AFG2A: variants seen among roughly 807,000 people sequenced by gnomAD.
AFG2A encodes the protein ATPase family gene 2 protein homolog A.
At chr4:123,116,709 A>C in the AFG2A span, among the ~76,000 whole-genome samples, 1 of 152,232 alleles carries the variant, frequency 6.6e-6, no homozygotes, top group East Asian at 1.9e-4. Context: ...GAGATAAAAG[A>C]GGCTTTAGAG....
chr4:123,074,459 G>A, the AFG2A span, among the ~76,000 whole-genome samples: 2 of 63,996 alleles, frequency 3.1e-5, no homozygotes, highest in African/African-American at 1.1e-4. Flanking sequence ...TTTTTTTTTT[G>A]TCACTTTGTG....
chr4:123,117,408 A>G, the AFG2A span, among the ~76,000 whole-genome samples: 1 of 150,584 alleles, frequency 6.6e-6, no homozygotes, highest in Non-Finnish European at 1.5e-5. Context: ...TGCTTTCCAG[A>G]GATTGAGGTT....
chr4:123,039,381 G>A, the AFG2A span, among the ~76,000 whole-genome samples: 7 of 151,974 alleles, frequency 4.6e-5, no homozygotes, highest in African/African-American at 1.7e-4. Flanking sequence ...GCCACAGTTT[G>A]CCTAGGTAGT....
At chr4:123,017,131 ACCGTG>A in the AFG2A span, among the ~76,000 whole-genome samples, 3 of 125,922 alleles carry the variant, frequency 2.4e-5, no homozygotes, top group Non-Finnish European at 4.8e-5. Flanking sequence ...GGAGAGGGAG[ACCGTG>A]GGGAGAGGGA....
the AFG2A span, among the ~76,000 whole-genome samples, chr4:122,971,079 G>A: frequency 6.6e-6 from 1 of 152,118 alleles, no homozygotes; most frequent in Admixed American, 6.6e-5. Flanking sequence ...TGTATTGACT[G>A]TGTCTACCTA....
the AFG2A span, among the ~76,000 whole-genome samples, chr4:123,095,042 A>AAAAATATATAT: frequency 1.8e-5 from 2 of 114,100 alleles, no homozygotes; most frequent in South Asian, 5.6e-4. Context: ...AAAAAAAAAA[A>AAAAATATATAT]ATATATATAT....
the AFG2A span, among the ~76,000 whole-genome samples, chr4:123,012,957 GTGTC>G: frequency 6.6e-6 from 1 of 152,148 alleles, no homozygotes; most frequent in Non-Finnish European, 1.5e-5. Context: ...AATTTCACTC[GTGTC>G]TGTGTGAAGA....
chr4:123,289,672 A>T, the AFG2A span, among the ~76,000 whole-genome samples: 1 of 152,208 alleles, frequency 6.6e-6, no homozygotes, highest in Admixed American at 6.5e-5. Context: ...CCTCATCAAC[A>T]TCTGTTGTTT....
the AFG2A span, among the ~76,000 whole-genome samples, chr4:123,299,137 G>GTGTGTA: frequency 2.6e-5 from 4 of 152,064 alleles, no homozygotes; most frequent in Non-Finnish European, 5.9e-5. Context: ...GTGTGTGTGT[G>GTGTGTA]TGTGTGTGTG....
At chr4:123,142,280 A>G in the AFG2A span, among the ~76,000 whole-genome samples, 1 of 152,192 alleles carries the variant, frequency 6.6e-6, no homozygotes, top group Admixed American at 6.5e-5. Context: ...ATGTAAGTAC[A>G]CATGCATATA....
chr4:122,984,416 T>C, the AFG2A span, among the ~76,000 whole-genome samples: 1 of 152,188 alleles, frequency 6.6e-6, no homozygotes, highest in African/African-American at 2.4e-5. Context: ...CAGTTTTTCC[T>C]CTTTACTGAT....
At chr4:122,939,436 A>C in the AFG2A span, among the ~76,000 whole-genome samples, 1 of 152,308 alleles carries the variant, frequency 6.6e-6, no homozygotes, top group East Asian at 1.9e-4. Flanking sequence ...AGGAACATTC[A>C]TAGGACTAAT....
At chr4:123,263,614 T>C in the AFG2A span, among the ~76,000 whole-genome samples, 4 of 151,952 alleles carry the variant, frequency 2.6e-5, no homozygotes, top group African/African-American at 9.7e-5. Context: ...TATGAAAAAA[T>C]AGCATCACTA....
At chr4:123,094,086 G>A in the AFG2A span, among the ~76,000 whole-genome samples, 1 of 152,176 alleles carries the variant, frequency 6.6e-6, no homozygotes, top group Non-Finnish European at 1.5e-5. Flanking sequence ...ATTCTCTAAT[G>A]TTTGACAGCA....
chr4:123,034,006 A>G, the AFG2A span, among the ~76,000 whole-genome samples: 3 of 152,198 alleles, frequency 2.0e-5, no homozygotes, highest in Admixed American at 6.5e-5. Flanking sequence ...CCACAGCCAG[A>G]TGATCAAGGT....
chr4:122,998,989 T>C, the AFG2A span, among the ~76,000 whole-genome samples: 2 of 152,022 alleles, frequency 1.3e-5, no homozygotes, highest in African/African-American at 4.8e-5. Flanking sequence ...TCCTGACTTT[T>C]TAATGATCGC....
the AFG2A span, among the ~76,000 whole-genome samples, chr4:123,265,777 G>A: frequency 8.3e-3 from 1,261 of 152,164 alleles, 23 homozygotes; most frequent in African/African-American, 0.029. Context: ...TAGTCCCCAA[G>A]GCTGATATCC....
At chr4:123,219,560 G>A in the AFG2A span, among the ~76,000 whole-genome samples, 2 of 152,208 alleles carry the variant, frequency 1.3e-5, no homozygotes, top group South Asian at 4.1e-4. Flanking sequence ...CAAAATGTGG[G>A]ACACTTAATT....
At chr4:123,153,787 C>T in the AFG2A span, among the ~76,000 whole-genome samples, 2 of 151,892 alleles carry the variant, frequency 1.3e-5, no homozygotes, top group East Asian at 3.9e-4. Flanking sequence ...AAAAAGAAAA[C>T]TTTAAAAGCA....
Sources: allele counts gnomAD v4.1 joint callset (sites outside exome capture counted in the v4.1 genomes callset), GRCh38; gene constraint gnomAD v4.1.1; transcripts MANE v1.5; gene names NCBI Gene and HGNC (gene_info 2026-07-23, HGNC 2026-07-21).